TENM1: variants seen among roughly 807,000 people sequenced by gnomAD.
TENM1 encodes teneurin transmembrane protein 1, also known as teneurin-1.
In TENM1, 35 loss-of-function variants were observed where a neutral mutation model predicts 174.8. The observed-to-expected ratio is 0.20, with a 90% CI of 0.15 to 0.27. The LOEUF is 0.27. Among genes scored for constraint, TENM1 ranks in the 10% least tolerant of loss-of-function variants. The probability of loss-of-function intolerance (pLI) is 1.00; values close to 1 mark genes in which losing one functional copy is unlikely to be tolerated. For missense variants in TENM1, 1,633 were observed against 2,130.1 expected (o/e 0.77, Z 4.59); for synonymous variants, 781 against 798.7 (o/e 0.98, Z 0.37).
chrX:124,415,595 T>C (rs1322078457), intron 25 of TENM1, among the ~76,000 whole-genome samples: 1 of 111,913 alleles, frequency 8.9e-6, no homozygotes, highest in Non-Finnish European at 1.9e-5. Flanking sequence ...TTCCCTATTC[T>C]GGGTTTCGGT....
chrX:124,390,037 C>G (rs2060266134), intron 28 of TENM1, among the ~76,000 whole-genome samples: 2 of 112,017 alleles, frequency 1.8e-5, no homozygotes, highest in South Asian at 7.4e-4. Flanking sequence ...GTCTTGATAC[C>G]TTATTCTGGG....
chrX:124,375,907 T>C (rs1449292515), downstream of TENM1: 7 of 112,659 alleles, frequency 6.2e-5, no homozygotes, highest in Non-Finnish European at 1.3e-4. Context: ...GACACATTTT[T>C]CATTGGCAAT....
rs189749024 is a variant in TENM1 at position 124,653,295 on chromosome X, T to A, written c.1368+289A>T. Reference sequence around the variant, plus strand: ...CTGTGGGCAGTAAAGCTAAGCAAGATGAGAGGTCTGGGAAGCTCATGAACA... The same window carrying A: ...CTGTGGGCAGTAAAGCTAAGCAAGAAGAGAGGTCTGGGAAGCTCATGAACA... On this transcript the variant is annotated intron_variant, in intron 7 of 31. Coordinates refer to ENST00000422452, the Ensembl canonical transcript of TENM1. 3.6e-3 allele frequency among the ~76,000 whole-genome samples: 403 copies of A among 111,466 alleles called. 5 individuals are homozygous for A. The highest frequency in any genetic ancestry group is 0.012 in the African/African-American group (383 of 30,706).
chrX:125,181,595 A>G, the TENM1 span, among the ~76,000 whole-genome samples: 2 of 111,891 alleles, frequency 1.8e-5, no homozygotes, highest in African/African-American at 6.5e-5. Flanking sequence ...CCATGAAAGA[A>G]AAAAAGATAA....
chrX:125,145,980 T>C, the TENM1 span, among the ~76,000 whole-genome samples: 2 of 111,932 alleles, frequency 1.8e-5, no homozygotes, highest in East Asian at 5.6e-4. Context: ...AGGCAACATA[T>C]ATAAATTTTA....
the TENM1 span, among the ~76,000 whole-genome samples, chrX:125,022,115 C>T: frequency 1.7e-4 from 19 of 112,089 alleles, no homozygotes; most frequent in African/African-American, 5.5e-4. Flanking sequence ...CAATATCAAG[C>T]GTACCCCTGA....
chrX:125,163,367 G>C, the TENM1 span, among the ~76,000 whole-genome samples: 215 of 110,298 alleles, frequency 1.9e-3, 1 homozygote, highest in South Asian at 0.017. Flanking sequence ...TGATTATCTA[G>C]AATGCATCAA....
chrX:124,425,447 A>G (rs1481568673), intron 23 of TENM1, among the ~76,000 whole-genome samples: 1 of 111,707 alleles, frequency 9.0e-6, no homozygotes, highest in Admixed American at 9.5e-5. Flanking sequence ...ATAAGGTCAT[A>G]AGGGTGGGGT....
At chrX:124,587,416 C>A (rs946850725) in intron 11 of TENM1, among the ~76,000 whole-genome samples, 12 of 108,141 alleles carry the variant, frequency 1.1e-4, no homozygotes, top group African/African-American at 3.7e-4. Context: ...TTTGACAAAC[C>A]TGAGAAAAAC....
At chrX:124,690,528 TAC>T (rs1380834563) in intron 5 of TENM1, among the ~76,000 whole-genome samples, 51 of 107,165 alleles carry the variant, frequency 4.8e-4, no homozygotes, top group Non-Finnish European at 7.1e-4. Flanking sequence ...TGTGTGTGTA[TAC>T]ACACATATAT....
chrX:124,730,468 C>T (rs996507777), intron 4 of TENM1, among the ~76,000 whole-genome samples: 2 of 110,922 alleles, frequency 1.8e-5, no homozygotes, highest in Non-Finnish European at 3.8e-5. Flanking sequence ...GATGAGAAAA[C>T]CGAGACATGG....
chrX:125,026,209 A>T, the TENM1 span, among the ~76,000 whole-genome samples: 1 of 110,630 alleles, frequency 9.0e-6, no homozygotes, highest in Non-Finnish European at 1.9e-5. Flanking sequence ...GGAAAAAAAA[A>T]ACCCTAATAC....
chrX:124,646,715 C>G (rs192968538), exon 9 of TENM1: 1 of 1,187,041 alleles, frequency 8.4e-7, no homozygotes, highest in East Asian at 3.0e-5. Context: ...TTACCTCTAG[C>G]ACAGTCAGGT....
At position 124,558,582 on chromosome X, in the gene TENM1, C is replaced by G. The variant is rs918239836; in HGVS notation, c.2434+3089G>C. ...ATTAGTCATATTTAACTAAATGAAA[C>G]CAGCCATTATGGATAGCTGGAAAGC... On this transcript the variant is annotated intron_variant, in intron 14 of 31. Coordinates refer to ENST00000422452, the Ensembl canonical transcript of TENM1. 1.1e-4 allele frequency among the ~76,000 whole-genome samples: 12 copies of G among 110,964 alleles called. No homozygotes were observed. In the East Asian group the frequency reaches 3.4e-3, roughly 31 times the overall value.
chrX:124,383,199 A>T (rs1023569153), intron 30 of TENM1, among the ~76,000 whole-genome samples: 2 of 110,696 alleles, frequency 1.8e-5, no homozygotes, highest in Non-Finnish European at 3.8e-5. Flanking sequence ...TGCCTGCCTC[A>T]GCCTCCCAAT....
At chrX:124,504,005 C>T (rs1380578199) in intron 18 of TENM1, among the ~76,000 whole-genome samples, 1 of 111,493 alleles carries the variant, frequency 9.0e-6, no homozygotes, top group Non-Finnish European at 1.9e-5. Context: ...GGGTTGGAGG[C>T]TGTGCTGTAA....
chrX:124,560,122 G>A (rs138027421), intron 14 of TENM1, among the ~76,000 whole-genome samples: 1,215 of 109,118 alleles, frequency 0.011, 22 homozygotes, highest in African/African-American at 0.038. Context: ...ACTTCACTCC[G>A]GTTTCCAAAA....
At chrX:124,463,137 T>C (rs12387169) in intron 22 of TENM1, among the ~76,000 whole-genome samples, 1,191 of 112,122 alleles carry the variant, frequency 0.011, 18 homozygotes, top group African/African-American at 0.035. Context: ...TGCGATCTTG[T>C]GATCTCTTCC....
chrX:125,088,828 G>T, the TENM1 span, among the ~76,000 whole-genome samples: 6 of 111,010 alleles, frequency 5.4e-5, no homozygotes, highest in East Asian at 1.7e-3. Flanking sequence ...AATTGCACGT[G>T]TTCCCCTTAA....
Sources: gnomAD v4.1 joint callset for allele counts (sites outside exome capture counted in the v4.1 genomes callset) on GRCh38, gnomAD v4.1.1 for gene constraint, MANE v1.5 for transcripts, NCBI Gene and HGNC (gene_info 2026-07-23, HGNC 2026-07-21) for gene names.